LHFPL6: variants seen among roughly 807,000 people sequenced by gnomAD.
LHFPL6 encodes the protein LHFPL tetraspan subfamily member 6 protein.
Under a neutral mutation model 20.6 loss-of-function variants are expected in LHFPL6, and 9 were observed. The observed-to-expected ratio is 0.44, with a 90% confidence interval of 0.26 to 0.76. LHFPL6 has a LOEUF of 0.76. Among genes scored for constraint, LHFPL6 ranks in the 30% least tolerant of loss-of-function variants. LHFPL6 has a pLI of 0.20. For synonymous variants in LHFPL6, 105 were observed against 98.7 expected (o/e 1.06, Z -0.38); for missense variants, 218 against 253.5 (o/e 0.86, Z 0.95).
intron 2 of LHFPL6, among the ~76,000 whole-genome samples, chr13:39,379,086 C>T (rs1432584676): frequency 6.7e-6 from 1 of 150,052 alleles, no homozygotes. Flanking sequence ...AGCATCCACG[C>T]ATCTCAGAAA....
chr13:39,378,418 G>T lies in LHFPL6; in HGVS notation c.484+10C>A. Reference sequence around the variant, plus strand: ...TTCTAAAAGGAGTGCCATCCATGAAGAAAGCTTACCCAGGTCAAACTGGCC... The same window carrying T: ...TTCTAAAAGGAGTGCCATCCATGAATAAAGCTTACCCAGGTCAAACTGGCC... On this transcript the variant is annotated intron_variant, in intron 3 of 3. Coordinates refer to ENST00000379589, the MANE Select transcript of LHFPL6 (RefSeq NM_005780.3). The T allele has an allele frequency of 1.2e-6, 2 of 1,610,728 alleles. No homozygotes were observed. The highest frequency in any genetic ancestry group is 1.7e-6 in the Non-Finnish European group (2 of 1,177,198).
Position 39,347,782 on chromosome 13 carries a change from G to A in LHFPL6, c.485-3728C>T, listed in dbSNP as rs116378832. On this transcript the variant is annotated intron_variant, in intron 3 of 3. Transcript: ENST00000379589. ...ATGAGGGGGAATTAATTAATAGGTAGAGAAGAGATGGCCAATCGTGTAGAA... is the reference window on the plus strand; with the variant it reads ...ATGAGGGGGAATTAATTAATAGGTAAAGAAGAGATGGCCAATCGTGTAGAA... Among the ~76,000 whole-genome samples, 1,132 of 152,296 alleles carry A rather than the reference G, an allele frequency of 7.4e-3. 19 individuals carry two copies. Among genetic ancestry groups the A allele is most frequent in the African/African-American group, 0.026 (1,080 of 41,554 alleles).
intron 2 of LHFPL6, among the ~76,000 whole-genome samples, chr13:39,381,278 T>C (rs1593292134): frequency 6.6e-6 from 1 of 152,214 alleles, no homozygotes. Context: ...CCCAGTCTTA[T>C]GCTAGTCACT....
intron 2 of LHFPL6, among the ~76,000 whole-genome samples, chr13:39,421,106 A>AC (rs369746526): frequency 8.4e-4 from 127 of 151,128 alleles, no homozygotes; most frequent in Middle Eastern, 3.4e-3. Flanking sequence ...AACAACAACA[A>AC]AAAAAACTAA....
At chr13:39,395,620 C>T (rs1870821793) in intron 2 of LHFPL6, among the ~76,000 whole-genome samples, 1 of 152,216 alleles carries the variant, frequency 6.6e-6, no homozygotes, top group African/African-American at 2.4e-5. Context: ...GTCAGGGTTT[C>T]TGCTGTGGAG....
At chr13:39,554,749 C>T (rs1871250159) in intron 2 of LHFPL6, among the ~76,000 whole-genome samples, 1 of 152,236 alleles carries the variant, frequency 6.6e-6, no homozygotes, top group African/African-American at 2.4e-5. Flanking sequence ...CCATTCACAT[C>T]CCCATCTACT....
At chr13:39,601,501 CTT>C (rs1267721929) in intron 1 of LHFPL6, 111 bp from the exon 2 acceptor site, 3 of 292,164 alleles carry the variant, frequency 1.0e-5, no homozygotes, top group Non-Finnish European at 1.9e-5. Flanking sequence ...TGCCTCAACA[CTT>C]TAAAAGTGGG....
At chr13:39,446,023 T>C (rs1279709792) in intron 2 of LHFPL6, among the ~76,000 whole-genome samples, 3 of 152,234 alleles carry the variant, frequency 2.0e-5, no homozygotes, top group African/African-American at 7.2e-5. Flanking sequence ...TTTTTATTGA[T>C]CTTATTTATA....
chr13:39,443,043 G>C (rs1872183151), intron 2 of LHFPL6, among the ~76,000 whole-genome samples: 1 of 152,080 alleles, frequency 6.6e-6, no homozygotes, highest in Non-Finnish European at 1.5e-5. Flanking sequence ...GTTGCAAACT[G>C]AATCCCCAAG....
intron 2 of LHFPL6, among the ~76,000 whole-genome samples, chr13:39,502,895 TTATTTATTTATTTTA>T: frequency 6.6e-6 from 1 of 152,312 alleles, no homozygotes; most frequent in East Asian, 1.9e-4. Flanking sequence ...TTGTTGTATC[TTATTTATTTATTTTA>T]GAGACAAGGT....
intron 2 of LHFPL6, among the ~76,000 whole-genome samples, chr13:39,555,011 G>A (rs1388653747): frequency 6.6e-6 from 1 of 152,154 alleles, no homozygotes; most frequent in Non-Finnish European, 1.5e-5. Context: ...TTTCTAGCCA[G>A]AAGTCAAGTC....
At chr13:39,449,997 T>C (rs1033800858) in intron 2 of LHFPL6, among the ~76,000 whole-genome samples, 6 of 152,196 alleles carry the variant, frequency 3.9e-5, no homozygotes, top group Non-Finnish European at 7.3e-5. Flanking sequence ...GAGAATCAAT[T>C]AGCCAAGTCA....
At chr13:39,378,407 C>T (rs775617670) in intron 3 of LHFPL6, 21 bp downstream of exon 3, 2 of 1,590,758 alleles carry the variant, frequency 1.3e-6, no homozygotes, top group Admixed American at 1.7e-5. Context: ...AAAAGGAGTG[C>T]CATCCATGAA....
chr13:39,505,901 C>T (rs1200412422), intron 2 of LHFPL6, among the ~76,000 whole-genome samples: 1 of 152,154 alleles, frequency 6.6e-6, no homozygotes, highest in Non-Finnish European at 1.5e-5. Flanking sequence ...AACAAGGATG[C>T]ATTATCTTAC....
intron 3 of LHFPL6, among the ~76,000 whole-genome samples, chr13:39,348,194 T>C (rs1462392238): frequency 1.3e-5 from 2 of 152,190 alleles, no homozygotes; most frequent in African/African-American, 4.8e-5. Context: ...CTACAGCCGA[T>C]GCTGTAGATT....
At chr13:39,472,324 C>T (rs557474718) in intron 2 of LHFPL6, among the ~76,000 whole-genome samples, 3 of 152,230 alleles carry the variant, frequency 2.0e-5, no homozygotes, top group African/African-American at 7.2e-5. Flanking sequence ...TCTTACAAGT[C>T]GCACTTCCAT....
chr13:39,541,036 A>G (rs992968223), intron 2 of LHFPL6, among the ~76,000 whole-genome samples: 3 of 152,244 alleles, frequency 2.0e-5, no homozygotes, highest in African/African-American at 7.2e-5. Flanking sequence ...CTTTCTATAC[A>G]AGAGAAGTAA....
In LHFPL6 at chr13:39,357,027, C is replaced by A. The variant is rs1000146531; in HGVS notation, c.485-12973G>T. 5.0e-4 allele frequency among the ~76,000 whole-genome samples: 76 copies of A among 152,064 alleles called. 1 individual carries two copies. The highest frequency in any genetic ancestry group is 7.4e-5 in the Non-Finnish European group (5 of 68,012). ...TTTATTAAAAAATATAAAACGTTAT[C>A]TGGGTGTGGTTGCATGAACCTATAG... On this transcript the variant is annotated intron_variant, in intron 3 of 3. Transcript: ENST00000379589.
intron 3 of LHFPL6, among the ~76,000 whole-genome samples, chr13:39,377,579 T>G (rs1451338502): frequency 1.3e-5 from 2 of 152,236 alleles, no homozygotes; most frequent in African/African-American, 4.8e-5. Context: ...AATAAGAAAG[T>G]GGTTAAGTAA....
Sources: gnomAD v4.1 joint callset for allele counts (sites outside exome capture counted in the v4.1 genomes callset) on GRCh38, gnomAD v4.1.1 for gene constraint, MANE v1.5 for transcripts, NCBI Gene and HGNC (gene_info 2026-07-23, HGNC 2026-07-21) for gene names.